The following ZNF3 variants were observed in gnomAD, a reference collection of about 807,000 sequenced individuals.
ZNF3 encodes C2-H2 type zinc finger protein.
In ZNF3, 16 loss-of-function variants were observed where a neutral mutation model predicts 36.9. That is an observed-to-expected ratio of 0.43 (90% CI 0.29 to 0.66). The LOEUF (loss-of-function observed/expected upper bound fraction) is 0.66, where lower values mean the gene tolerates loss of function less well. Among genes scored for constraint, ZNF3 ranks in the 30% least tolerant of loss-of-function variants. The pLI, the probability that ZNF3 is intolerant of heterozygous loss-of-function variation, is 0.13. For missense variants in ZNF3, 462 were observed against 543.1 expected (o/e 0.85, Z 1.48); for synonymous variants, 201 against 201.9 (o/e 1.00, Z 0.04).
upstream of ZNF3, chr7:100,082,289 G>A (rs1795077883): frequency 6.6e-6 from 1 of 152,390 alleles, no homozygotes; most frequent in African/African-American, 2.4e-5. Context: ...GAGCAGAGAA[G>A]AGGAAGCTTA....
At chr7:100,064,148 C>T in exon 6 of ZNF3, 1 of 1,614,176 alleles carries the variant, frequency 6.2e-7, no homozygotes, top group African/African-American at 1.3e-5. Flanking sequence ...AGCCACAGCT[C>T]AAACCTCACC....
At chr7:100,064,540 T>C in exon 6 of ZNF3, 1 of 1,614,188 alleles carries the variant, frequency 6.2e-7, no homozygotes, top group Non-Finnish European at 8.5e-7. Flanking sequence ...GTGTCATCAC[T>C]GTGGAAAGAC....
chr7:100,077,664 T>C, intron 2 of ZNF3: 1 of 223,240 alleles, frequency 4.5e-6, no homozygotes, highest in Non-Finnish European at 8.8e-6. Flanking sequence ...CAAGCTATCC[T>C]CCCACCTGTT....
chr7:100,064,261 G>C (rs1195352846), exon 6 of ZNF3: 3 of 1,614,062 alleles, frequency 1.9e-6, no homozygotes, highest in African/African-American at 2.7e-5. Context: ...AATGCACACA[G>C]AAGAGGCGCC....
chr7:100,074,361 C>T (rs1300670302), intron 5 of ZNF3, among the ~76,000 whole-genome samples: 1 of 152,176 alleles, frequency 6.6e-6, no homozygotes, highest in Non-Finnish European at 1.5e-5. Context: ...ACCTCGGCTT[C>T]CCAGGCTCAA....
At chr7:100,072,654 G>A (rs551392784) in intron 5 of ZNF3, among the ~76,000 whole-genome samples, 28 of 152,252 alleles carry the variant, frequency 1.8e-4, no homozygotes, top group African/African-American at 3.6e-4. Flanking sequence ...CAGCAGCAGC[G>A]CGGGAACAAG....
In ZNF3 at chr7:100,075,628, G is replaced by T; in HGVS notation, c.58C>A (p.Leu20Ile). Residue 20 changes from leucine (L) to isoleucine (I), a missense_variant and splice_region_variant, in exon 4 of 6, where the codon CTT becomes ATT. By Grantham distance (5) the Leu-to-Ile change is conservative. Transcript: ENST00000299667. ...QEPQALLDSALPSKVPAFSDK... is the reference protein window; with the variant it reads ...QEPQALLDSAIPSKVPAFSDK... ...GAAAAGGCAGGAACTTTTGAAGGAA[G>T]AGCTGAAGGGCAATAAAAGGGCCCA... The T allele has an allele frequency of 4.3e-6, 7 of 1,614,046 alleles. No individual in the cohort carries two copies. Among genetic ancestry groups the T allele is most frequent in the Non-Finnish European group, 5.9e-6 (7 of 1,179,966 alleles).
At position 100,071,121 on chromosome 7, in the gene ZNF3, G is replaced by A; in HGVS notation, c.*22C>T. 1 of 1,551,338 alleles carries A rather than the reference G, an allele frequency of 6.4e-7. No homozygotes were observed. Among genetic ancestry groups the A allele is most frequent in the Non-Finnish European group, 8.7e-7 (1 of 1,150,276 alleles). The stretch of plus-strand genomic sequence containing the variant: ...AGCTCTTGAGACTCAGGGAAAGTGA[G>A]GAAAATGGGTGTGTGGCTCTTTCAC... On this transcript the variant is annotated 3_prime_UTR_variant, in exon 6 of 6. Transcript: ENST00000299667.
At chr7:100,077,049 C>G (rs1794240153) in intron 3 of ZNF3, 3 of 379,422 alleles carry the variant, frequency 7.9e-6, no homozygotes, top group Non-Finnish European at 1.5e-5. Flanking sequence ...CTAGCCTGAG[C>G]AACAGAGCAA....
chr7:100,066,574 C>CA (rs34132820), downstream of ZNF3, among the ~76,000 whole-genome samples: 34,208 of 143,348 alleles, frequency 0.24, 4,591 homozygotes, highest in Middle Eastern at 0.44. Context: ...ACTAAAAATA[C>CA]AAAAAAAAAA....
chr7:100,063,907 G>A (rs1188002316), downstream of ZNF3: 1 of 1,614,156 alleles, frequency 6.2e-7, no homozygotes, highest in Admixed American at 1.7e-5. Flanking sequence ...GGCCAGCTTA[G>A]AGAGGCAGTG....
intron 5 of ZNF3, among the ~76,000 whole-genome samples, chr7:100,074,192 G>A (rs1793687264): frequency 6.6e-6 from 1 of 152,018 alleles, no homozygotes; most frequent in Admixed American, 6.6e-5. Context: ...TAAAGACTGG[G>A]CCCCAAGTTT....
At chr7:100,068,439 C>T (rs1050455613), downstream of ZNF3, among the ~76,000 whole-genome samples, 4 of 151,730 alleles carry the variant, frequency 2.6e-5, no homozygotes, top group African/African-American at 4.8e-5. Flanking sequence ...TTTCGGAGGC[C>T]GAGGCAGGCA....
chr7:100,072,351 CTA>C, intron 5 of ZNF3, 139 bp from the exon 6 acceptor site: 2 of 790,284 alleles, frequency 2.5e-6, no homozygotes, highest in South Asian at 1.9e-5. Flanking sequence ...ATGTGTGCGG[CTA>C]AGGCAAAATG....
intron 1 of ZNF3, among the ~76,000 whole-genome samples, chr7:100,080,894 C>T (rs1794896499): frequency 6.6e-6 from 1 of 152,178 alleles, no homozygotes. Context: ...CAAATGATGC[C>T]CACTCTCCAC....
chr7:100,070,502 T>G lies in ZNF3; in HGVS notation c.*641A>C, dbSNP rs949486518. ...GACAACTGGGGGGGATGGCAGGGGGTCTGCTGGCAATATCACCAGGTTTCT... is the reference window on the plus strand; with the variant it reads ...GACAACTGGGGGGGATGGCAGGGGGGCTGCTGGCAATATCACCAGGTTTCT... On this transcript the variant is annotated 3_prime_UTR_variant, in exon 6 of 6. Transcript: ENST00000299667. The G allele has an allele frequency of 1.0e-6, 1 of 985,152 alleles. No individual in the cohort carries two copies. The highest frequency in any genetic ancestry group is 1.8e-5 in the African/African-American group (1 of 57,104). 61.0% of individuals were successfully genotyped at this position (985,152 alleles called of 1,614,324 possible).
intron 3 of ZNF3, 169 bp downstream of exon 3, chr7:100,077,134 T>C: frequency 1.4e-6 from 1 of 699,256 alleles, no homozygotes; most frequent in East Asian, 2.7e-5. Flanking sequence ...CTGTCATTGA[T>C]TACTGTTCGG....
chr7:100,072,577 G>A (rs116443489), intron 5 of ZNF3, among the ~76,000 whole-genome samples: 2 of 152,188 alleles, frequency 1.3e-5, no homozygotes, highest in African/African-American at 4.8e-5. Context: ...TGGGGACACA[G>A]TGACTGCAAG....
chr7:100,066,998 G>T (rs1792684651), downstream of ZNF3, among the ~76,000 whole-genome samples: 1 of 151,880 alleles, frequency 6.6e-6, no homozygotes, highest in Admixed American at 6.6e-5. Flanking sequence ...TTATGCCATT[G>T]CACTCTAGCC....
Sources: gnomAD v4.1 joint callset for allele counts (sites outside exome capture counted in the v4.1 genomes callset) on GRCh38, gnomAD v4.1.1 for gene constraint, MANE v1.5 for transcripts, NCBI Gene and HGNC (gene_info 2026-07-23, HGNC 2026-07-21) for gene names.